DOCK8: variants seen among roughly 807,000 people sequenced by gnomAD.
The protein encoded by DOCK8 is dedicator of cytokinesis protein 8.
Under a neutral mutation model 245.6 loss-of-function variants are expected in DOCK8, and 141 were observed. The ratio of observed to expected loss-of-function variants is 0.57; its 90% confidence interval spans 0.50 to 0.66. The LOEUF (loss-of-function observed/expected upper bound fraction) is 0.66. Among genes scored for constraint, DOCK8 ranks in the 30% least tolerant of loss-of-function variants. The pLI, the probability that DOCK8 is intolerant of heterozygous loss-of-function variation, is 0.00. For missense variants in DOCK8, 2,965 were observed against 2,603.4 expected, an observed-to-expected ratio of 1.14 and a Z score of -3.02; for synonymous variants, 1,168 against 970.2, an observed-to-expected ratio of 1.20 and a Z score of -3.79.
chr9:373,312 A>G (rs1376443176), intron 18 of DOCK8, among the ~76,000 whole-genome samples: 3 of 152,212 alleles, frequency 2.0e-5, no homozygotes, highest in Admixed American at 6.5e-5. Context: ...CTCGGACATC[A>G]TATTTCATTT....
At chr9:441,792 A>G in intron 41 of DOCK8, 83 bp from the exon 42 acceptor site, 1 of 1,568,644 alleles carries the variant, frequency 6.4e-7, no homozygotes, top group South Asian at 1.1e-5. Context: ...TTGTTAACAC[A>G]ATGAGAGACC....
rs759932577 is a variant in DOCK8, at chr9:214,982, C to T, written c.6C>T (p.Ala2=). The T allele has an allele frequency of 2.2e-5, 35 of 1,601,024 alleles. No homozygotes were observed. Among genetic ancestry groups the T allele is most frequent in the South Asian group, 1.7e-4 (15 of 89,752 alleles). The change falls in exon 1 of 48, where the codon GCC becomes GCT. Residue 2 remains alanine, a synonymous_variant. Coordinates refer to ENST00000432829, the MANE Select transcript of DOCK8 (RefSeq NM_203447.4). The stretch of plus-strand genomic sequence containing the variant: ...CACCGAACCGCCGGCGGGCCATGGC[C>T]ACTCTGCCGAGCGCAGAGCGCCGCG... The part of the protein sequence containing the change: M[A]TLPSAERRAF...
intron 24 of DOCK8, among the ~76,000 whole-genome samples, chr9:391,849 A>G (rs1210271266): frequency 7.8e-6 from 1 of 128,010 alleles, no homozygotes; most frequent in East Asian, 2.2e-4. Context: ...TTTTTTAAAG[A>G]GAGTCTAGGC....
chr9:400,241 C>CCAT (rs1415059145), intron 26 of DOCK8, among the ~76,000 whole-genome samples: 5 of 79,976 alleles, frequency 6.3e-5, no homozygotes, highest in Non-Finnish European at 8.1e-5. Context: ...ACCATCACCA[C>CCAT]CACCTCCACC....
chr9:215,559 A>G (rs1587595417), intron 1 of DOCK8: 4 of 1,053,372 alleles, frequency 3.8e-6, no homozygotes, highest in African/African-American at 3.3e-5. Flanking sequence ...TCCTGGTGGC[A>G]TCGCTATTTT....
intron 4 of DOCK8, among the ~76,000 whole-genome samples, chr9:292,992 C>T (rs1214012564): frequency 6.6e-6 from 1 of 152,160 alleles, no homozygotes; most frequent in Non-Finnish European, 1.5e-5. Flanking sequence ...GTTTTTGCAT[C>T]TTGTTCCCCT....
At position 215,404 on chromosome 9, in the gene DOCK8, TC is replaced by T. The variant is rs1297497578; in HGVS notation, c.53+377del. The stretch of plus-strand genomic sequence containing the variant: ...CGCCACGGAGTGTCTCATAAACGGC[TC>T]CTTCCTTTGAGGCAAGTCTGAGCGC... On this transcript the variant is annotated intron_variant, in intron 1 of 47. Coordinates refer to ENST00000432829, the MANE Select transcript of DOCK8 (RefSeq NM_203447.4). The T allele has an allele frequency of 5.2e-6, 8 of 1,543,322 alleles. No homozygotes were observed. In the African/African-American group the frequency reaches 1.0e-4, roughly 19 times the overall value.
rs769380954 is a variant in DOCK8 at position 377,168 on chromosome 9, C to T, written c.2397C>T (p.Leu799=). ...VLFLHLVLDK[L]FQLSVQPMVI... ...TCCTGCACCTGGTGCTGGACAAGCT[C>T]TTCCAGCTGTCCGTGCAGCCCATGG... The change falls in exon 20 of 48, where the codon CTC becomes CTT. Residue 799 remains leucine, a synonymous_variant. Transcript: ENST00000432829. 22 of 1,603,866 alleles carry T rather than the reference C, an allele frequency of 1.4e-5. No individual in the cohort carries two copies. The highest frequency in any genetic ancestry group is 3.6e-4 in the Middle Eastern group (2 of 5,516).
At chr9:232,844 C>G (rs1262772311) in intron 1 of DOCK8, among the ~76,000 whole-genome samples, 1 of 152,170 alleles carries the variant, frequency 6.6e-6, no homozygotes, top group Non-Finnish European at 1.5e-5. Context: ...TTTCAAAAAA[C>G]CAGCTCCTGG....
intron 5 of DOCK8, among the ~76,000 whole-genome samples, chr9:306,773 G>A (rs1474471280): frequency 1.3e-5 from 2 of 152,180 alleles, no homozygotes; most frequent in Non-Finnish European, 2.9e-5. Flanking sequence ...GATGCTGCTG[G>A]TCCCAGGACC....
At chr9:229,986 G>A (rs1402803350) in intron 1 of DOCK8, among the ~76,000 whole-genome samples, 1 of 151,532 alleles carries the variant, frequency 6.6e-6, no homozygotes, top group Non-Finnish European at 1.5e-5. Flanking sequence ...CATGTGCCAT[G>A]TTGGTGTGCT....
At chr9:401,440 C>G (rs1054805677) in intron 26 of DOCK8, among the ~76,000 whole-genome samples, 1 of 152,104 alleles carries the variant, frequency 6.6e-6, no homozygotes, top group Admixed American at 6.6e-5. Context: ...TGAGGCTGCT[C>G]CACAGCACAG....
chr9:296,034 T>G (rs918405288), intron 4 of DOCK8, among the ~76,000 whole-genome samples: 1 of 152,260 alleles, frequency 6.6e-6, no homozygotes, highest in Non-Finnish European at 1.5e-5. Context: ...TTGAAATGTT[T>G]GTGTTACTTA....
intron 14 of DOCK8, among the ~76,000 whole-genome samples, chr9:349,926 C>A (rs11794685): frequency 0.087 from 13,232 of 152,110 alleles, 1,542 homozygotes; most frequent in African/African-American, 0.27. Flanking sequence ...ATTTATACTT[C>A]ATGTAATCTG....
At position 435,359 on chromosome 9, in the gene DOCK8, TGCATGGCTTCATTTGAACCTCCCCGTAAA is replaced by T. The variant is rs529263086; in HGVS notation, c.5079+387_5079+415del. Among the ~76,000 whole-genome samples the T allele has an allele frequency of 5.0e-3, 758 of 151,414 alleles. 5 individuals carry two copies. Among genetic ancestry groups the T allele is most frequent in the African/African-American group, 0.016 (663 of 41,348 alleles). ...GGAGACATTTGCAAACACTTTCACA[TGCATGGCTTCATTTGAACCTCCCCGTAAA>T]GCTGTGAGGCAGGTAGGTAGGGAAG... On this transcript the variant is annotated intron_variant, in intron 39 of 47. Coordinates refer to ENST00000432829, the MANE Select transcript of DOCK8 (RefSeq NM_203447.4).
intron 1 of DOCK8, among the ~76,000 whole-genome samples, chr9:219,297 C>G (rs926728512): frequency 6.6e-6 from 1 of 152,042 alleles, no homozygotes; most frequent in African/African-American, 2.4e-5. Context: ...TGGCGAAACC[C>G]CGTCTCTACT....
chr9:338,280 A>G (rs2051412605), intron 12 of DOCK8, among the ~76,000 whole-genome samples: 2 of 152,204 alleles, frequency 1.3e-5, no homozygotes, highest in East Asian at 3.8e-4. Flanking sequence ...GTCTTCGTGG[A>G]GCATTTAAAG....
intron 3 of DOCK8, among the ~76,000 whole-genome samples, chr9:287,968 A>T (rs2130319680): frequency 6.6e-6 from 1 of 152,220 alleles, no homozygotes; most frequent in East Asian, 1.9e-4. Flanking sequence ...GAGCCCAGGA[A>T]TTTGAGTTCA....
At chr9:293,577 C>T (rs1490904477) in intron 4 of DOCK8, among the ~76,000 whole-genome samples, 1 of 152,210 alleles carries the variant, frequency 6.6e-6, no homozygotes, top group African/African-American at 2.4e-5. Context: ...ACCAGGGACT[C>T]GTGGGCAGGA....
Sources: allele counts gnomAD v4.1 joint callset (sites outside exome capture counted in the v4.1 genomes callset), GRCh38; gene constraint gnomAD v4.1.1; transcripts MANE v1.5; gene names NCBI Gene and HGNC (gene_info 2026-07-23, HGNC 2026-07-21).